TNRC6B: variants seen among roughly 807,000 people sequenced by gnomAD.
TNRC6B encodes the protein trinucleotide repeat-containing gene 6B protein.
TNRC6B carries 52 observed loss-of-function variants against 203.6 expected under a neutral mutation model. The ratio of observed to expected loss-of-function variants is 0.26; its 90% CI spans 0.20 to 0.32. The LOEUF is 0.32. Ranked by LOEUF, TNRC6B falls within the 10% of genes least tolerant of loss-of-function variation. The pLI, the probability that TNRC6B is intolerant of heterozygous loss-of-function variation, is 1.00. For missense variants in TNRC6B, 1,923 were observed against 2,286.2 expected, an observed-to-expected ratio of 0.84 and a Z score of 3.24; for synonymous variants, 838 against 845.7, an observed-to-expected ratio of 0.99 and a Z score of 0.16.
rs192113913 is a variant in TNRC6B, at chr22:40,152,342, T to G, written c.46-3773T>G. Among the ~76,000 whole-genome samples the G allele has an allele frequency of 7.9e-5, 12 of 152,296 alleles. No individual in the cohort carries two copies. In the East Asian group the frequency reaches 2.3e-3, roughly 29 times the overall value. On this transcript the variant is annotated intron_variant, in intron 3 of 23. Transcript: ENST00000301923. Reference sequence around the variant, plus strand: ...AACGTTTTTGTTTGTTTGTTTTTGTTTTTGTGATGGAGTCTTGCTCTGTTG... The same window carrying G: ...AACGTTTTTGTTTGTTTGTTTTTGTGTTTGTGATGGAGTCTTGCTCTGTTG...
chr22:40,115,207 C>T (rs1401086034), intron 1 of TNRC6B, among the ~76,000 whole-genome samples: 1 of 152,148 alleles, frequency 6.6e-6, no homozygotes, highest in Non-Finnish European at 1.5e-5. Context: ...ATGTAATGAA[C>T]AACTTTACAG....
chr22:40,171,540 A>C (rs999194728), intron 4 of TNRC6B, among the ~76,000 whole-genome samples: 8 of 152,166 alleles, frequency 5.3e-5, no homozygotes, highest in Admixed American at 2.0e-4. Context: ...TTTTGTGGTC[A>C]AAATTTTTTG....
At chr22:40,200,042 G>T (rs908798695) in intron 1 of TNRC6B, among the ~76,000 whole-genome samples, 14 of 151,748 alleles carry the variant, frequency 9.2e-5, no homozygotes, top group African/African-American at 2.9e-4. Flanking sequence ...CAAGTGATCC[G>T]CCCGACTCGG....
chr22:40,222,728 C>CTCTCT (rs2069728214), intron 1 of TNRC6B, among the ~76,000 whole-genome samples: 3 of 40,182 alleles, frequency 7.5e-5, no homozygotes, highest in South Asian at 2.9e-3. Flanking sequence ...CTCTCTCTCT[C>CTCTCT]TTTTTTTTTT....
intron 1 of TNRC6B, among the ~76,000 whole-genome samples, chr22:40,232,041 AGGT>A (rs919956281): frequency 2.0e-5 from 3 of 152,142 alleles, no homozygotes; most frequent in Non-Finnish European, 2.9e-5. Flanking sequence ...AGATCAGGAG[AGGT>A]GGTGATGGCA....
intron 1 of TNRC6B, among the ~76,000 whole-genome samples, chr22:40,116,831 T>C: frequency 6.6e-6 from 1 of 152,212 alleles, no homozygotes; most frequent in Non-Finnish European, 1.5e-5. Context: ...ACTAAGAGTT[T>C]TACACATACT....
At chr22:40,155,719 G>A (rs1282878816) in intron 3 of TNRC6B, among the ~76,000 whole-genome samples, 1 of 152,174 alleles carries the variant, frequency 6.6e-6, no homozygotes, top group East Asian at 1.9e-4. Context: ...TAGTAGTTGT[G>A]AAATGGTTTT....
At chr22:40,242,978 C>T (rs1217845849) in intron 1 of TNRC6B, among the ~76,000 whole-genome samples, 1 of 152,124 alleles carries the variant, frequency 6.6e-6, no homozygotes, top group Non-Finnish European at 1.5e-5. Context: ...AAGCAATTCT[C>T]CTGCCTCAGC....
intron 8 of TNRC6B, 144 bp downstream of exon 8, chr22:40,277,295 GTAA>G: frequency 1.8e-6 from 1 of 543,340 alleles, no homozygotes; most frequent in African/African-American, 1.9e-5. Flanking sequence ...TTTGAGTTAA[GTAA>G]TATTTCTCTT....
intron 1 of TNRC6B, among the ~76,000 whole-genome samples, chr22:40,087,296 G>A (rs1258740919): frequency 1.3e-5 from 2 of 152,296 alleles, no homozygotes; most frequent in African/African-American, 4.8e-5. Flanking sequence ...TTTTCAGTAT[G>A]TAACAACTTG....
Position 40,266,558 on chromosome 22 carries a change from G to T in TNRC6B, c.2328G>T (p.Gly776=), listed in dbSNP as rs777885084. 6.2e-7 allele frequency: 1 copy of T among 1,613,576 alleles called. No homozygotes were observed. Among genetic ancestry groups the T allele is most frequent in the Non-Finnish European group, 8.5e-7 (1 of 1,179,748 alleles). ...CTGTGTCTGGGTGGGGTGAAGGAGG[G>T]CAGAATGAAATCGGGACTTGGGGTA... ...SKPVSGWGEG[G]QNEIGTWGNG... is the part of the protein sequence containing the mutation. The change falls in exon 5 of 23, where the codon GGG becomes GGT. Residue 776 remains glycine (G), a synonymous_variant. Transcript: ENST00000454349.
intron 4 of TNRC6B, among the ~76,000 whole-genome samples, chr22:40,170,561 T>C (rs1441638547): frequency 1.2e-5 from 1 of 85,944 alleles, no homozygotes; most frequent in Non-Finnish European, 2.0e-5. Flanking sequence ...ATATAGTTTA[T>C]ATATATTATA....
intron 21 of TNRC6B, among the ~76,000 whole-genome samples, chr22:40,317,584 A>G (rs142603141): frequency 6.6e-6 from 1 of 151,630 alleles, no homozygotes; most frequent in Non-Finnish European, 1.5e-5. Flanking sequence ...CTGAAAAAAT[A>G]AAAAAAAGCT....
chr22:40,262,584 C>T (rs765801007), intron 4 of TNRC6B, among the ~76,000 whole-genome samples: 2 of 152,134 alleles, frequency 1.3e-5, no homozygotes, highest in African/African-American at 4.8e-5. Flanking sequence ...TGATTTGCTA[C>T]ATTGCAATAT....
chr22:40,242,274 T>C (rs1285568113), intron 1 of TNRC6B, among the ~76,000 whole-genome samples: 1 of 152,160 alleles, frequency 6.6e-6, no homozygotes, highest in Non-Finnish European at 1.5e-5. Context: ...ACAGCTAATA[T>C]TTATTGTGTC....
At chr22:40,155,880 T>C (rs2068814995) in intron 3 of TNRC6B, among the ~76,000 whole-genome samples, 1 of 152,220 alleles carries the variant, frequency 6.6e-6, no homozygotes, top group South Asian at 2.1e-4. Context: ...ACCGTTCTTT[T>C]ATATTCTAGA....
chr22:40,322,734 T>A, intron 22 of TNRC6B, 120 bp from the exon 23 acceptor site: 3 of 1,212,332 alleles, frequency 2.5e-6, no homozygotes, highest in Non-Finnish European at 3.4e-6. Context: ...AAAGCGTTCA[T>A]GGATATGGCA....
rs2071442222 is a variant in TNRC6B, at chr22:40,329,518, A to G, written c.*6277A>G. 6.6e-6 allele frequency: 1 copy of G among 152,192 alleles called. No individual in the cohort carries two copies. The highest frequency in any genetic ancestry group is 2.4e-5 in the African/African-American group (1 of 41,432). The allele number at this position is 152,192 out of a possible 1,614,324, so 9.4% of individuals were successfully genotyped here. ...AATTATCAGCTCCAAGAATCTGTGA[A>G]CATAGTAATAACAATAAAAATTCAA... is the stretch of plus-strand genomic sequence containing the variant. On this transcript the variant is annotated 3_prime_UTR_variant, in exon 23 of 23. Transcript: ENST00000454349.
chr22:40,148,220 T>A (rs2098888154), intron 3 of TNRC6B, among the ~76,000 whole-genome samples: 2 of 151,214 alleles, frequency 1.3e-5, no homozygotes. Flanking sequence ...ATGGGACAAA[T>A]AGAACTCTCA....
Sources: gnomAD v4.1 joint callset for allele counts (sites outside exome capture counted in the v4.1 genomes callset) on GRCh38, gnomAD v4.1.1 for gene constraint, MANE v1.5 for transcripts, NCBI Gene and HGNC (gene_info 2026-07-23, HGNC 2026-07-21) for gene names.